Variants in SACM1L observed in about 807,000 individuals in gnomAD.
The protein encoded by SACM1L is phosphatidylinositol-3-phosphatase SAC1.
Under a neutral mutation model 89.5 loss-of-function variants are expected in SACM1L, and 32 were observed. The ratio of observed to expected loss-of-function variants is 0.36; its 90% CI spans 0.27 to 0.48. The LOEUF (loss-of-function observed/expected upper bound fraction) is 0.48. SACM1L is among the 20% of genes least tolerant of loss of function. SACM1L has a pLI of 0.99. For synonymous variants in SACM1L, 213 were observed against 232.8 expected (o/e 0.92, Z 0.77); for missense variants, 543 against 708.5 (o/e 0.77, Z 2.65).
At chr3:45,693,001 T>C (rs1698032819) in intron 1 of SACM1L, among the ~76,000 whole-genome samples, 1 of 152,226 alleles carries the variant, frequency 6.6e-6, no homozygotes. Context: ...CAGAGTATAA[T>C]TACACAAACC....
intron 7 of SACM1L, among the ~76,000 whole-genome samples, chr3:45,719,166 A>G (rs1278374064): frequency 1.5e-4 from 23 of 152,032 alleles, no homozygotes; most frequent in Admixed American, 1.5e-3. Flanking sequence ...TTTTAAATTT[A>G]TGTTTTCCAT....
In SACM1L at chr3:45,723,729, C is replaced by T. The variant is rs113288518; in HGVS notation, c.921+186C>T. 4.6e-3 allele frequency among the ~76,000 whole-genome samples: 701 copies of T among 152,222 alleles called. 5 individuals carry two copies. The highest frequency in any genetic ancestry group is 0.016 in the African/African-American group (662 of 41,548). On this transcript the variant is annotated intron_variant, in intron 11 of 19. Transcript: ENST00000389061. ...CCAGACAGAAACTCTACCCATTAAACAATTAACTTCCTATTATATCCCTCC... is the reference window on the plus strand; with the variant it reads ...CCAGACAGAAACTCTACCCATTAAATAATTAACTTCCTATTATATCCCTCC...
intron 11 of SACM1L, among the ~76,000 whole-genome samples, chr3:45,729,634 A>G (rs898320722): frequency 6.6e-6 from 1 of 152,240 alleles, no homozygotes; most frequent in Non-Finnish European, 1.5e-5. Flanking sequence ...CACTGTCTTC[A>G]GCCTCCAAGA....
intron 4 of SACM1L, 192 bp downstream of exon 4, chr3:45,707,099 T>A: frequency 2.1e-6 from 1 of 471,570 alleles, no homozygotes; most frequent in Non-Finnish European, 3.6e-6. Context: ...CTCTTGTTTT[T>A]TTTTTTTTAA....
Position 45,722,089 on chromosome 3 carries a change from A to T in SACM1L, c.765+4A>T. On this transcript the variant is annotated splice_donor_region_variant and intron_variant, in intron 9 of 19. Transcript: ENST00000389061. ...GAGCAAAGCTTCGTTTGTACAGGCA[A>T]GTTGTTATGTCTGTTAGGCAGTCAG... is the stretch of plus-strand genomic sequence containing the variant. The T allele has an allele frequency of 6.3e-7, 1 of 1,590,024 alleles. No individual in the cohort carries two copies. The highest frequency in any genetic ancestry group is 1.1e-5 in the South Asian group (1 of 89,252).
intron 1 of SACM1L, among the ~76,000 whole-genome samples, chr3:45,694,225 G>A (rs1698069366): frequency 6.6e-6 from 1 of 152,024 alleles, no homozygotes; most frequent in African/African-American, 2.4e-5. Context: ...GTGTAAGGCA[G>A]GGAATCCTTT....
chr3:45,710,815 TAAA>T (rs1379249776), intron 5 of SACM1L, among the ~76,000 whole-genome samples: 1 of 152,190 alleles, frequency 6.6e-6, no homozygotes, highest in Non-Finnish European at 1.5e-5. Context: ...TCTAATTTGG[TAAA>T]ATTGTATGTA....
chr3:45,743,205 GTATAA>G (rs1353681753), intron 19 of SACM1L, among the ~76,000 whole-genome samples: 1 of 152,052 alleles, frequency 6.6e-6, no homozygotes, highest in Non-Finnish European at 1.5e-5. Context: ...ATTATTATTT[GTATAA>G]TATAATATGA....
chr3:45,711,800 A>G (rs1284262361), intron 5 of SACM1L, among the ~76,000 whole-genome samples: 1 of 152,202 alleles, frequency 6.6e-6, no homozygotes, highest in Non-Finnish European at 1.5e-5. Flanking sequence ...AATTACATCC[A>G]TAGGGCTTTC....
chr3:45,712,448 T>G (rs1328292615), intron 5 of SACM1L, among the ~76,000 whole-genome samples: 1 of 152,196 alleles, frequency 6.6e-6, no homozygotes, highest in Non-Finnish European at 1.5e-5. Flanking sequence ...TCGGCCAGGC[T>G]GGTCTCGAAC....
At position 45,709,543 on chromosome 3, in the gene SACM1L, A is replaced by C. The variant is rs151325040; in HGVS notation, c.379A>C (p.Asn127His). The stretch of plus-strand genomic sequence containing the variant: ...CCTAGCGATGCTAAACCATGTCTTG[A>C]ATGTGGATGGATTTTACTTTTCAAC... ...TFLAMLNHVL[N>H]VDGFYFSTTY... The change falls in exon 5 of 20, where the codon AAT (asparagine) becomes CAT (histidine). Residue 127 changes from asparagine to histidine, a missense_variant. Around this residue, in one of 2 missense-constraint regions of SACM1L, gnomAD observed 173 missense variants for 180.9 expected, o/e 0.96. Coordinates refer to ENST00000389061, the MANE Select transcript of SACM1L (RefSeq NM_014016.5). The C allele has an allele frequency of 5.5e-5, 88 of 1,613,780 alleles. No individual in the cohort carries two copies. In the African/African-American group the frequency reaches 1.0e-3, roughly 19 times the overall value.
Position 45,722,075 on chromosome 3 carries a change from C to T in SACM1L, c.755C>T (p.Ser252Leu), listed in dbSNP as rs765697241. 7.5e-6 allele frequency: 12 copies of T among 1,608,652 alleles called. No individual in the cohort carries two copies. Among genetic ancestry groups the T allele is most frequent in the Non-Finnish European group, 8.5e-7 (1 of 1,176,604 alleles). The change falls in exon 9 of 20, where the codon TCG becomes TTG. Residue 252 changes from serine to leucine, a missense_variant. Ser to Leu is a moderately radical substitution (Grantham distance 145). This residue lies in a region of SACM1L where 370 missense variants were observed against 527.6 expected (regional missense o/e 0.70). Coordinates refer to ENST00000389061, the MANE Select transcript of SACM1L (RefSeq NM_014016.5). ...QIVHYNGSKA[S>L]FVQTRGSIPV... ...GTGCACTACAATGGGAGCAAAGCTT[C>T]GTTTGTACAGGCAAGTTGTTATGTC...
At chr3:45,731,455 C>G in intron 12 of SACM1L, 75 bp downstream of exon 12, 1 of 883,108 alleles carries the variant, frequency 1.1e-6, no homozygotes, top group Non-Finnish European at 1.8e-6. Context: ...TTACATAGAG[C>G]TCACTAGACA....
At chr3:45,707,878 C>CTTT (rs888477186) in intron 4 of SACM1L, among the ~76,000 whole-genome samples, 2 of 151,700 alleles carry the variant, frequency 1.3e-5, no homozygotes, top group Non-Finnish European at 2.9e-5. Context: ...AAGCACTGTT[C>CTTT]AAGTCTCTTG....
intron 11 of SACM1L, among the ~76,000 whole-genome samples, chr3:45,729,226 A>G (rs1698992086): frequency 6.6e-6 from 1 of 151,748 alleles, no homozygotes; most frequent in Admixed American, 6.6e-5. Context: ...AGCTGGGATT[A>G]CAGGTGTGGG....
Position 45,689,433 on chromosome 3 carries a change from G to A in SACM1L, c.-33G>A, listed in dbSNP as rs969931921. The A allele has an allele frequency of 6.4e-7, 1 of 1,555,258 alleles. No individual in the cohort carries two copies. The highest frequency in any genetic ancestry group is 8.7e-7 in the Non-Finnish European group (1 of 1,150,114). On this transcript the variant is annotated 5_prime_UTR_variant, in exon 1 of 20. Transcript: ENST00000389061. ...GAGGTGGCGGCGCGGGGCGGGGCGG[G>A]CGGAGAGAGAAGGAAGGAGGTGGTT...
intron 7 of SACM1L, among the ~76,000 whole-genome samples, 196 bp from the exon 8 acceptor site, chr3:45,719,304 C>G (rs1329151715): frequency 6.6e-6 from 1 of 152,114 alleles, no homozygotes; most frequent in Non-Finnish European, 1.5e-5. Context: ...ATACTACCTT[C>G]GTGTCATAGG....
chr3:45,725,928 A>G (rs1012792759), intron 11 of SACM1L, among the ~76,000 whole-genome samples: 1 of 152,114 alleles, frequency 6.6e-6, no homozygotes, highest in Admixed American at 6.5e-5. Flanking sequence ...GAATTTTGTC[A>G]AATACTTTTC....
At chr3:45,735,470 C>T in intron 14 of SACM1L, 97 bp downstream of exon 14, 2 of 1,190,528 alleles carry the variant, frequency 1.7e-6, no homozygotes, top group Middle Eastern at 2.1e-4. Flanking sequence ...ATTGCCCACA[C>T]CCTAACCCAG....
Sources: gnomAD v4.1 joint callset for allele counts (sites outside exome capture counted in the v4.1 genomes callset) on GRCh38, gnomAD v4.1.1 for gene constraint, gnomAD v4.1.1 regional missense constraint, MANE v1.5 for transcripts, NCBI Gene and HGNC (gene_info 2026-07-23, HGNC 2026-07-21) for gene names.